Variants in GNPAT observed in about 807,000 individuals in gnomAD.
GNPAT encodes dihydroxyacetone phosphate acyltransferase.
In GNPAT, 30 loss-of-function variants were observed where a neutral mutation model predicts 78.4. The ratio of observed to expected loss-of-function variants is 0.38; its 90% CI spans 0.29 to 0.52. GNPAT has a LOEUF of 0.52. Ranked by LOEUF, GNPAT falls within the 20% of genes least tolerant of loss-of-function variation. The probability of loss-of-function intolerance (pLI) is 0.84; values close to 1 mark genes in which losing one functional copy is unlikely to be tolerated. For missense variants in GNPAT, 714 were observed against 812.2 expected (o/e 0.88, Z 1.47); for synonymous variants, 271 against 281.1 (o/e 0.96, Z 0.36).
intron 2 of GNPAT, among the ~76,000 whole-genome samples, chr1:231,255,871 T>C (rs1685041012): frequency 6.6e-6 from 1 of 152,200 alleles, no homozygotes; most frequent in Non-Finnish European, 1.5e-5. Context: ...ATGGGTAAAT[T>C]CTACCTGTTT....
chr1:231,245,897 A>G (rs1164132816), intron 1 of GNPAT, among the ~76,000 whole-genome samples: 2 of 152,056 alleles, frequency 1.3e-5, no homozygotes, highest in East Asian at 3.9e-4. Context: ...TGAACCCGGG[A>G]GGTGGAAGTT....
rs113752547 is a variant in GNPAT, at chr1:231,241,234, G to C, written c.-145G>C. Reference sequence around the variant, plus strand: ...CTTCCGTCCTGGCTGAGATGGCGGCGCCCGGGATCCTGTGTAGCGGCTGCA... The same window carrying C: ...CTTCCGTCCTGGCTGAGATGGCGGCCCCCGGGATCCTGTGTAGCGGCTGCA... On this transcript the variant is annotated 5_prime_UTR_variant, in exon 1 of 16. Transcript: ENST00000366647. 1.3e-6 allele frequency: 2 copies of C among 1,481,726 alleles called. No individual in the cohort carries two copies. Among genetic ancestry groups the C allele is most frequent in the African/African-American group, 2.8e-5 (2 of 71,930 alleles). The allele number at this position is 1,481,726 out of a possible 1,614,324, so 91.8% of individuals were successfully genotyped here.
chr1:231,272,179 G>T, intron 10 of GNPAT, 133 bp from the exon 11 acceptor site: 1 of 661,778 alleles, frequency 1.5e-6, no homozygotes, highest in African/African-American at 1.8e-5. Context: ...TCCCTCAGGG[G>T]ACTTAATTCT....
intron 15 of GNPAT, among the ~76,000 whole-genome samples, chr1:231,276,633 G>T (rs1489442524): frequency 3.3e-5 from 5 of 152,164 alleles, no homozygotes; most frequent in African/African-American, 1.2e-4. Context: ...GCACATCCTT[G>T]GGAGAATAAT....
In GNPAT at chr1:231,241,408, T is replaced by A; in HGVS notation, c.30T>A (p.Tyr10Ter). The change falls in exon 1 of 16, where the codon TAT becomes TAA. Residue 10 changes from tyrosine (Y) to a stop codon, truncating the protein, a stop_gained. Coordinates refer to ENST00000366647, the MANE Select transcript of GNPAT (RefSeq NM_014236.4). LOFTEE classifies it high-confidence loss of function. Reference protein sequence around the residue: MESSSSSNSYFSVGPTSPSA... With the variant: MESSSSSNS ...AGTCTTCCAGTTCATCTAACTCTTA[T>A]TTCTCCGTTGGCCCAACCAGTCCCA... The A allele has an allele frequency of 1.2e-6, 2 of 1,613,986 alleles. No homozygotes were observed. Among genetic ancestry groups the A allele is most frequent in the Non-Finnish European group, 1.7e-6 (2 of 1,179,860 alleles).
At chr1:231,274,378 C>A (rs1306143450) in intron 12 of GNPAT, among the ~76,000 whole-genome samples, 1 of 152,174 alleles carries the variant, frequency 6.6e-6, no homozygotes, top group Non-Finnish European at 1.5e-5. Context: ...ATGAGGCCTT[C>A]ATGTCAGTCA....
intron 12 of GNPAT, 166 bp from the exon 13 acceptor site, chr1:231,275,054 TA>T: frequency 1.6e-6 from 1 of 608,484 alleles, no homozygotes; most frequent in Non-Finnish European, 2.9e-6. Context: ...GGAGATGCCC[TA>T]AAAATTCTTT....
chr1:231,267,607 C>CTA, intron 8 of GNPAT, 73 bp from the exon 9 acceptor site: 1 of 894,606 alleles, frequency 1.1e-6, no homozygotes, highest in South Asian at 1.3e-5. Context: ...TCTAAAACGT[C>CTA]TAGAGTCTTT....
In GNPAT at chr1:231,251,156, C is replaced by T. The variant is rs755856412; in HGVS notation, c.261+13C>T. The T allele has an allele frequency of 6.7e-7, 1 of 1,500,620 alleles. No homozygotes were observed. The highest frequency in any genetic ancestry group is 1.9e-5 in the Admixed American group (1 of 53,450). 93.0% of individuals were successfully genotyped at this position (1,500,620 alleles called of 1,614,324 possible). A position where few individuals can be genotyped will look rare whatever the true frequency, so the allele number is the denominator to read the frequency against. On this transcript the variant is annotated intron_variant, in intron 2 of 15. Transcript: ENST00000366647. ...TGTCATTAAACAGGTAAGTGATTCC[C>T]TCTTCAACCATGGCCAGATTTGTTC...
At chr1:231,271,802 C>G (rs1309098944) in intron 10 of GNPAT, among the ~76,000 whole-genome samples, 2 of 152,164 alleles carry the variant, frequency 1.3e-5, no homozygotes, top group East Asian at 3.9e-4. Flanking sequence ...TAGAGTCAAT[C>G]ATTTAAAAAC....
intron 3 of GNPAT, 56 bp downstream of exon 3, chr1:231,260,739 CA>C (rs374321620): frequency 0.012 from 10,236 of 825,974 alleles, 3 homozygotes; most frequent in East Asian, 0.023. Flanking sequence ...TAAAATTAAA[CA>C]AAAAAAAAAA....
chr1:231,245,112 C>T (rs1216919201), intron 1 of GNPAT, among the ~76,000 whole-genome samples: 1 of 152,172 alleles, frequency 6.6e-6, no homozygotes, highest in African/African-American at 2.4e-5. Flanking sequence ...TTATTGAGGT[C>T]CCAACTCAAA....
intron 4 of GNPAT, 44 bp from the exon 5 acceptor site, chr1:231,265,246 TAGA>T (rs777104558): frequency 7.5e-7 from 1 of 1,341,724 alleles, no homozygotes; most frequent in South Asian, 1.2e-5. Context: ...TAGATCTTTA[TAGA>T]AGATTTCAAG....
chr1:231,250,437 G>T (rs907864688), intron 1 of GNPAT, among the ~76,000 whole-genome samples: 2 of 150,482 alleles, frequency 1.3e-5, no homozygotes, highest in Admixed American at 1.3e-4. Context: ...GTCTCGAAAA[G>T]AAGAAAAGAA....
Position 231,267,721 on chromosome 1 carries a change from T to A in GNPAT, c.1097T>A (p.Val366Asp). ...QKQSEDMHAF[V>D]TEVAYKMELL... ...CAGTCTGAGGACATGCATGCCTTTGTCACTGAAGTTGCCTACAAAATGGAG... is the reference window on the plus strand; with the variant it reads ...CAGTCTGAGGACATGCATGCCTTTGACACTGAAGTTGCCTACAAAATGGAG... Residue 366 changes from valine (V) to aspartate (D), a missense_variant, in exon 9 of 16, where the codon GTC (valine) becomes GAC (aspartate). Physicochemically the swap from Val to Asp is radical, Grantham distance 152. Coordinates refer to ENST00000366647, the MANE Select transcript of GNPAT (RefSeq NM_014236.4). 2 of 1,611,742 alleles carry A rather than the reference T, an allele frequency of 1.2e-6. No individual in the cohort carries two copies. The highest frequency in any genetic ancestry group is 1.7e-6 in the Non-Finnish European group (2 of 1,177,784).
Position 231,274,079 on chromosome 1 carries a change from A to G in GNPAT, c.1743+17A>G, listed in dbSNP as rs761125616. 9.9e-6 allele frequency: 16 copies of G among 1,608,916 alleles called. No homozygotes were observed. The East Asian group carries it at 2.0e-4, about 20-fold the overall frequency. On this transcript the variant is annotated intron_variant, in intron 12 of 15. Coordinates refer to ENST00000366647, the MANE Select transcript of GNPAT (RefSeq NM_014236.4). ...AGCTATCAGGTATGTAAATTTGGCAAGTTCTCCTTCATGCCCCCCATATCA... is the reference window on the plus strand; with the variant it reads ...AGCTATCAGGTATGTAAATTTGGCAGGTTCTCCTTCATGCCCCCCATATCA...
At chr1:231,254,876 C>T (rs185390820) in intron 2 of GNPAT, among the ~76,000 whole-genome samples, 3 of 152,004 alleles carry the variant, frequency 2.0e-5, no homozygotes, top group Admixed American at 1.3e-4. Flanking sequence ...CTCAGCGTCC[C>T]AAGTAGCTGG....
At chr1:231,250,001 C>G (rs775925867) in intron 1 of GNPAT, among the ~76,000 whole-genome samples, 12 of 151,974 alleles carry the variant, frequency 7.9e-5, no homozygotes, top group Non-Finnish European at 1.5e-4. Flanking sequence ...AATCCCAGCA[C>G]TTTGGGAGAC....
chr1:231,247,747 G>A (rs1343376179), intron 1 of GNPAT, among the ~76,000 whole-genome samples: 2 of 152,178 alleles, frequency 1.3e-5, no homozygotes, highest in South Asian at 4.1e-4. Context: ...ATGCTATTCT[G>A]TAGAGGGAGC....
Sources: gnomAD v4.1 joint callset for allele counts (sites outside exome capture counted in the v4.1 genomes callset) on GRCh38, gnomAD v4.1.1 for gene constraint, MANE v1.5 for transcripts, NCBI Gene and HGNC (gene_info 2026-07-23, HGNC 2026-07-21) for gene names.